Variants in PGBD5 observed in about 807,000 individuals in gnomAD.
PGBD5 encodes the protein piggyBac transposable element-derived protein 5.
A neutral mutation model predicts 47.9 loss-of-function variants in PGBD5; 14 were observed. The ratio of observed to expected loss-of-function variants is 0.29; its 90% CI spans 0.19 to 0.46. The LOEUF is 0.46. Among genes scored for constraint, PGBD5 ranks in the 20% least tolerant of loss-of-function variants. The probability of loss-of-function intolerance (pLI) is 1.00; values close to 1 mark genes in which losing one functional copy is unlikely to be tolerated. For synonymous variants in PGBD5, 316 were observed against 306.3 expected (o/e 1.03, Z -0.33); for missense variants, 635 against 716.0 (o/e 0.89, Z 1.29).
At chr1:230,359,250 C>T (rs572001132) in intron 1 of PGBD5, among the ~76,000 whole-genome samples, 15 of 152,134 alleles carry the variant, frequency 9.9e-5, no homozygotes, top group East Asian at 5.8e-4. Context: ...TTAGTAGAGA[C>T]GGGGTTTTGC....
intron 1 of PGBD5, among the ~76,000 whole-genome samples, chr1:230,402,996 T>G (rs1286302728): frequency 6.6e-6 from 1 of 152,188 alleles, no homozygotes; most frequent in Non-Finnish European, 1.5e-5. Context: ...GAACCGCACA[T>G]CACTCCATCA....
rs1666967819 is a variant in PGBD5, at chr1:230,317,553, C to G, written c.*5872G>C. On this transcript the variant is annotated 3_prime_UTR_variant, in exon 7 of 7. Transcript: ENST00000391860. ...TGAATCAAAGACTAGCGAGACGCAC[C>G]AAGAACAGAGGTGCGCTGCCGGGGG... 1 of 152,180 alleles carries G rather than the reference C, an allele frequency of 6.6e-6. No individual in the cohort carries two copies. Among genetic ancestry groups the G allele is most frequent in the South Asian group, 2.1e-4 (1 of 4,826 alleles). 9.4% of individuals were successfully genotyped at this position (152,180 alleles called of 1,614,324 possible). A position where few individuals can be genotyped will look rare whatever the true frequency, so the allele number is the denominator to read the frequency against.
intron 1 of PGBD5, among the ~76,000 whole-genome samples, chr1:230,411,025 C>T (rs1238238139): frequency 6.6e-6 from 1 of 151,984 alleles, no homozygotes; most frequent in Non-Finnish European, 1.5e-5. Flanking sequence ...ATCTGTAATC[C>T]CAGCACTTTG....
At position 230,350,987 on chromosome 1, in the gene PGBD5, G is replaced by T; in HGVS notation, c.865C>A (p.Gln289Lys). The part of the protein sequence containing the change: ...KKRKFSLWVR[Q>K]CSSTGFIIQI... ...ATGATGAAGCCAGTGGAAGAACATT[G>T]TCTGACCCAGAGGCTGAATTTCCGC... The change falls in exon 3 of 7, where the codon CAA becomes AAA. Residue 289 changes from glutamine to lysine, a missense_variant. Gln to Lys is a moderately conservative substitution (Grantham distance 53). Transcript: ENST00000391860. The T allele has an allele frequency of 6.2e-7, 1 of 1,614,082 alleles. No homozygotes were observed.
intron 2 of PGBD5, among the ~76,000 whole-genome samples, chr1:230,351,618 A>AT (rs1408811182): frequency 1.3e-5 from 2 of 151,678 alleles, no homozygotes; most frequent in Non-Finnish European, 2.9e-5. Context: ...AAAAAATGCT[A>AT]TTTTTTTTGG....
intron 1 of PGBD5, among the ~76,000 whole-genome samples, chr1:230,364,602 C>T (rs1014425865): frequency 1.3e-5 from 2 of 152,016 alleles, no homozygotes; most frequent in Admixed American, 6.6e-5. Context: ...CTCATGCTAA[C>T]GCAACACAGT....
intron 1 of PGBD5, among the ~76,000 whole-genome samples, chr1:230,418,435 C>T (rs1325169915): frequency 1.3e-5 from 2 of 152,142 alleles, no homozygotes; most frequent in Non-Finnish European, 2.9e-5. Flanking sequence ...ATAATGGCTA[C>T]CTCTGGGGAC....
chr1:230,326,384 A>G (rs1667118314), intron 5 of PGBD5, among the ~76,000 whole-genome samples: 1 of 152,256 alleles, frequency 6.6e-6, no homozygotes, highest in Non-Finnish European at 1.5e-5. Flanking sequence ...CTGCCATTGT[A>G]TTCCAGCCTG....
intron 1 of PGBD5, among the ~76,000 whole-genome samples, chr1:230,362,805 C>G (rs1667768626): frequency 6.6e-6 from 1 of 152,204 alleles, no homozygotes; most frequent in East Asian, 1.9e-4. Flanking sequence ...AGGGGAGGAG[C>G]ATCTTTTCTG....
At chr1:230,336,537 G>A (rs1029872747) in intron 4 of PGBD5, among the ~76,000 whole-genome samples, 3 of 152,190 alleles carry the variant, frequency 2.0e-5, no homozygotes, top group Non-Finnish European at 2.9e-5. Context: ...GCTTGCCACA[G>A]GGCTCCCTGA....
intron 1 of PGBD5, among the ~76,000 whole-genome samples, chr1:230,417,455 T>C (rs1657543667): frequency 6.6e-6 from 1 of 152,176 alleles, no homozygotes; most frequent in African/African-American, 2.4e-5. Context: ...TAGTAATAAT[T>C]ATAGGTGTTA....
At chr1:230,329,123 G>GT (rs1553281237) in intron 5 of PGBD5, among the ~76,000 whole-genome samples, 13 of 82,398 alleles carry the variant, frequency 1.6e-4, no homozygotes, top group Admixed American at 2.6e-4. Context: ...ATTTTTTTTT[G>GT]GGGGGGGAGG....
chr1:230,388,363 A>T (rs1656700080), intron 1 of PGBD5, among the ~76,000 whole-genome samples: 1 of 151,726 alleles, frequency 6.6e-6, no homozygotes, highest in Non-Finnish European at 1.5e-5. Context: ...CGCGCACTGA[A>T]TCGTCCTCTG....
At chr1:230,386,464 T>C (rs1656641707) in intron 1 of PGBD5, among the ~76,000 whole-genome samples, 1 of 152,230 alleles carries the variant, frequency 6.6e-6, no homozygotes, top group Non-Finnish European at 1.5e-5. Context: ...TAGAGCACAG[T>C]AGAAGATGCT....
Position 230,323,416 on chromosome 1 carries a change from C to G in PGBD5, c.*9G>C. 6.2e-7 allele frequency: 1 copy of G among 1,610,792 alleles called. No individual in the cohort carries two copies. Among genetic ancestry groups the G allele is most frequent in the Non-Finnish European group, 8.5e-7 (1 of 1,178,446 alleles). On this transcript the variant is annotated 3_prime_UTR_variant, in exon 7 of 7. Transcript: ENST00000391860. The surrounding 1 kb of genome is among the most constrained non-coding windows in gnomAD (Gnocchi z 4.1). Reference sequence around the variant, plus strand: ...GCCCCTCCCTTGACCGAGTCCTGCGCCCCCAGCATCAGTGGGTCGGAGAGG... The same window carrying G: ...GCCCCTCCCTTGACCGAGTCCTGCGGCCCCAGCATCAGTGGGTCGGAGAGG...
intron 3 of PGBD5, among the ~76,000 whole-genome samples, chr1:230,338,901 C>T (rs1434265142): frequency 2.0e-5 from 3 of 152,156 alleles, no homozygotes; most frequent in Non-Finnish European, 4.4e-5. Context: ...AGGAAGAGCC[C>T]GGTTCCTTTT....
rs1010849010 is a variant in PGBD5, at chr1:230,425,335, C to G, written c.331+263G>C. 6.6e-6 allele frequency among the ~76,000 whole-genome samples: 1 copy of G among 152,170 alleles called. No homozygotes were observed. The highest frequency in any genetic ancestry group is 1.5e-5 in the Non-Finnish European group (1 of 68,028). On this transcript the variant is annotated intron_variant, in intron 1 of 6. Transcript: ENST00000391860. This position sits in a 1 kb window ranked among gnomAD's most constrained non-coding sequence, Gnocchi z 4.7. ...TCCCATGCAGGGGCTGGGGTGCTCC[C>G]AGGAAGTGAAGGAAAAGGTCCCCGA...
At chr1:230,367,263 A>T (rs1223197523) in intron 1 of PGBD5, among the ~76,000 whole-genome samples, 2 of 152,056 alleles carry the variant, frequency 1.3e-5, no homozygotes, top group Non-Finnish European at 2.9e-5. Context: ...GCCCCAGCTG[A>T]GGCCACCGAT....
At chr1:230,370,968 C>T (rs1355491862) in intron 1 of PGBD5, among the ~76,000 whole-genome samples, 1 of 152,092 alleles carries the variant, frequency 6.6e-6, no homozygotes. Context: ...CCTGGTGTGC[C>T]CTCAGGGCCT....
Sources: allele counts gnomAD v4.1 joint callset (sites outside exome capture counted in the v4.1 genomes callset), GRCh38; gene constraint gnomAD v4.1.1; non-coding constraint Gnocchi (gnomAD v3.1); transcripts MANE v1.5; gene names NCBI Gene and HGNC (gene_info 2026-07-23, HGNC 2026-07-21).